Variants in POLDIP3 observed in about 807,000 individuals in gnomAD.
The protein encoded by POLDIP3 is polymerase delta-interacting protein 3.
Under a neutral mutation model 45.1 loss-of-function variants are expected in POLDIP3, and 14 were observed. The observed-to-expected ratio is 0.31, with a 90% CI of 0.20 to 0.49. The LOEUF (loss-of-function observed/expected upper bound fraction) is 0.49, where lower values mean the gene tolerates loss of function less well. Among genes scored for constraint, POLDIP3 ranks in the 20% least tolerant of loss-of-function variants. The pLI, the probability that POLDIP3 is intolerant of heterozygous loss-of-function variation, is 0.99. For synonymous variants in POLDIP3, 223 were observed against 205.2 expected, an observed-to-expected ratio of 1.09 and a Z score of -0.74; for missense variants, 511 against 538.8, an observed-to-expected ratio of 0.95 and a Z score of 0.51.
chr22:42,599,584 G>C (rs935242238), intron 4 of POLDIP3, 114 bp downstream of exon 4: 5 of 782,234 alleles, frequency 6.4e-6, no homozygotes, highest in Non-Finnish European at 1.1e-5. Context: ...AGCAGCCTGG[G>C]GGAGAAGAGC....
intron 6 of POLDIP3, among the ~76,000 whole-genome samples, chr22:42,592,640 T>C (rs1925740525): frequency 6.6e-6 from 1 of 152,210 alleles, no homozygotes. Context: ...TTCTATCTGC[T>C]ATGAGACGTC....
Position 42,585,112 on chromosome 22 carries a change from T to C in POLDIP3, c.*679A>G, listed in dbSNP as rs1391409106. ...ACTCAAGGAAAAGGGAAAGGTGAAC[T>C]CTGGAGAACTTCCTCTGGGTGGAGA... is the stretch of plus-strand genomic sequence containing the variant. On this transcript the variant is annotated 3_prime_UTR_variant, in exon 9 of 9. Coordinates refer to ENST00000252115, the MANE Select transcript of POLDIP3 (RefSeq NM_032311.5). The C allele has an allele frequency of 6.9e-6, 3 of 437,208 alleles. No individual in the cohort carries two copies. Among genetic ancestry groups the C allele is most frequent in the Non-Finnish European group, 1.4e-5 (3 of 218,214 alleles). The allele number at this position is 437,208 out of a possible 1,614,324, so 27.1% of individuals were successfully genotyped here.
chr22:42,613,024 C>A (rs1927220997), intron 1 of POLDIP3, among the ~76,000 whole-genome samples: 1 of 152,066 alleles, frequency 6.6e-6, no homozygotes, highest in South Asian at 2.1e-4. Context: ...TTCCTGCAGC[C>A]CCACCTACTG....
At chr22:42,605,713 T>C (rs532988537) in intron 1 of POLDIP3, among the ~76,000 whole-genome samples, 257 of 152,202 alleles carry the variant, frequency 1.7e-3, no homozygotes, top group Middle Eastern at 0.014. Flanking sequence ...GGGGTCGGCA[T>C]GCACGATTAG....
Position 42,603,274 on chromosome 22 carries a change from G to A in POLDIP3, c.60-114C>T, listed in dbSNP as rs374815277. 258 of 1,139,826 alleles carry A rather than the reference G, an allele frequency of 2.3e-4. 2 individuals are homozygous for A. In the East Asian group the frequency reaches 3.6e-3, roughly 16 times the overall value. 70.6% of individuals were successfully genotyped at this position (1,139,826 alleles called of 1,614,324 possible). On this transcript the variant is annotated intron_variant, in intron 1 of 8. Coordinates refer to ENST00000252115, the MANE Select transcript of POLDIP3 (RefSeq NM_032311.5). ...AGGAGGCCCTGGAGAATCAGAAAGC[G>A]GCTCCTTGCCTGTGATTGAATAAAC...
rs1925194298 is a variant in POLDIP3, at chr22:42,584,873, G to A, written c.*918C>T. Reference sequence around the variant, plus strand: ...AGAAATGGAGAGCCAGGAACAAACTGACCTCTTCCATTCAAATAAGCTCCA... The same window carrying A: ...AGAAATGGAGAGCCAGGAACAAACTAACCTCTTCCATTCAAATAAGCTCCA... On this transcript the variant is annotated 3_prime_UTR_variant, in exon 9 of 9. Transcript: ENST00000252115. 8.8e-6 allele frequency: 4 copies of A among 456,120 alleles called. No individual in the cohort carries two copies. Among genetic ancestry groups the A allele is most frequent in the South Asian group, 6.2e-5 (4 of 64,574 alleles). 28.3% of individuals were successfully genotyped at this position (456,120 alleles called of 1,614,324 possible). A position where few individuals can be genotyped will look rare whatever the true frequency, so the allele number is the denominator to read the frequency against.
chr22:42,588,248 G>T (rs1925437753), intron 7 of POLDIP3, among the ~76,000 whole-genome samples: 1 of 152,140 alleles, frequency 6.6e-6, no homozygotes, highest in African/African-American at 2.4e-5. Flanking sequence ...GAAGTCAGGA[G>T]ATCGAGACCA....
At chr22:42,601,908 A>G in intron 3 of POLDIP3, 62 bp downstream of exon 3, 2 of 1,559,600 alleles carry the variant, frequency 1.3e-6, no homozygotes, top group Non-Finnish European at 1.8e-6. Flanking sequence ...AAACACGTGC[A>G]CACCTACATG....
intron 1 of POLDIP3, among the ~76,000 whole-genome samples, chr22:42,613,677 C>A (rs1012807000): frequency 2.0e-5 from 3 of 152,122 alleles, no homozygotes; most frequent in Admixed American, 2.0e-4. Flanking sequence ...AGGAGAATCG[C>A]TGGAACCGGG....
intron 2 of POLDIP3, among the ~76,000 whole-genome samples, chr22:42,602,551 G>C (rs1926459719): frequency 6.7e-6 from 1 of 149,600 alleles, no homozygotes; most frequent in Non-Finnish European, 1.5e-5. Flanking sequence ...AATTTCTATG[G>C]GCCTCCTTTT....
intron 4 of POLDIP3, among the ~76,000 whole-genome samples, chr22:42,598,974 C>G (rs1001112051): frequency 2.6e-5 from 4 of 152,208 alleles, no homozygotes; most frequent in African/African-American, 9.7e-5. Context: ...GTAGAGCCCA[C>G]AGATCAGGTG....
At chr22:42,592,463 T>C (rs1405926230) in intron 6 of POLDIP3, among the ~76,000 whole-genome samples, 1 of 152,246 alleles carries the variant, frequency 6.6e-6, no homozygotes, top group Non-Finnish European at 1.5e-5. Flanking sequence ...CCTGAGAATC[T>C]GTTACAAATA....
At chr22:42,588,732 G>A (rs555820936) in intron 7 of POLDIP3, among the ~76,000 whole-genome samples, 5 of 151,468 alleles carry the variant, frequency 3.3e-5, no homozygotes, top group Admixed American at 6.6e-5. Context: ...GGGTTCAAGC[G>A]ATTATCCTGC....
intron 2 of POLDIP3, 185 bp from the exon 3 acceptor site, chr22:42,602,241 G>T: frequency 1.1e-6 from 1 of 946,802 alleles, no homozygotes; most frequent in Non-Finnish European, 1.5e-6. Flanking sequence ...GACCATGCCG[G>T]TAACGCACAT....
At position 42,614,815 on chromosome 22, in the gene POLDIP3, C is replaced by T. The variant is rs61744232; in HGVS notation, c.43G>A (p.Ala15Thr). 18,661 of 1,614,070 alleles carry T rather than the reference C, an allele frequency of 0.012. 152 individuals are homozygous for T. Among genetic ancestry groups the T allele is most frequent in the Non-Finnish European group, 0.014 (16,851 of 1,179,944 alleles). ...GCCTCTCACCGTCCTTTCGCCGCCG[C>T]CCCGCGCTTCCTGATGAGTTCGTCC... ...SLDELIRKRGAAAKGRLNARP... is the reference protein window; with the variant it reads ...SLDELIRKRGTAAKGRLNARP... Residue 15 changes from alanine to threonine, a missense_variant, in exon 1 of 9, where the codon GCG becomes ACG. This residue lies in a region of POLDIP3 where 378 missense variants were observed against 352.3 expected (regional missense o/e 1.07). Transcript: ENST00000252115.
rs535452907 is a variant in POLDIP3, at chr22:42,611,738, G to A, written c.59+3061C>T. 8.5e-5 allele frequency among the ~76,000 whole-genome samples: 13 copies of A among 152,218 alleles called. No individual in the cohort carries two copies. In the East Asian group the frequency reaches 2.1e-3, roughly 25 times the overall value. On this transcript the variant is annotated intron_variant, in intron 1 of 8. Transcript: ENST00000252115. The stretch of plus-strand genomic sequence containing the variant: ...AAAAATACAAAAAAATTAACCAGGC[G>A]TGGTGGCGCATGCCTATGGTCCCAG...
At chr22:42,589,184 A>T (rs1250351278) in intron 7 of POLDIP3, among the ~76,000 whole-genome samples, 1 of 151,694 alleles carries the variant, frequency 6.6e-6, no homozygotes, top group East Asian at 1.9e-4. Context: ...AAGACGTTGC[A>T]GTGAGCCAAG....
At chr22:42,610,131 G>A (rs955201449) in intron 1 of POLDIP3, among the ~76,000 whole-genome samples, 4 of 150,916 alleles carry the variant, frequency 2.7e-5, no homozygotes, top group African/African-American at 4.9e-5. Flanking sequence ...CTGAGATCGC[G>A]CCATTGCACT....
Position 42,584,120 on chromosome 22 carries a change from G to A in POLDIP3, c.*1671C>T, listed in dbSNP as rs1051523373. On this transcript the variant is annotated 3_prime_UTR_variant, in exon 9 of 9. Coordinates refer to ENST00000252115, the MANE Select transcript of POLDIP3 (RefSeq NM_032311.5). ...GCAAGCAGTGAGCCCCCGGCTCCCA[G>A]TACCTGAAAAACCAGGTCCTACTGC... The A allele has an allele frequency of 2.0e-5, 3 of 152,754 alleles. No homozygotes were observed. Among genetic ancestry groups the A allele is most frequent in the Non-Finnish European group, 2.9e-5 (2 of 68,122 alleles). 9.5% of individuals were successfully genotyped at this position (152,754 alleles called of 1,614,324 possible). A position where few individuals can be genotyped will look rare whatever the true frequency, so the allele number is the denominator to read the frequency against.
Sources: allele counts gnomAD v4.1 joint callset (sites outside exome capture counted in the v4.1 genomes callset), GRCh38; gene constraint gnomAD v4.1.1; regional missense constraint gnomAD v4.1.1; transcripts MANE v1.5; gene names NCBI Gene and HGNC (gene_info 2026-07-23, HGNC 2026-07-21).